Variants in AFDN observed in about 807,000 individuals in gnomAD.
The protein encoded by AFDN is afadin, adherens junction formation factor.
Under a neutral mutation model 216.6 loss-of-function variants are expected in AFDN, and 68 were observed. The ratio of observed to expected loss-of-function variants is 0.31; its 90% confidence interval spans 0.26 to 0.38. The LOEUF (loss-of-function observed/expected upper bound fraction) is 0.38. Among genes scored for constraint, AFDN ranks in the 10% least tolerant of loss-of-function variants. The pLI, the probability that AFDN is intolerant of heterozygous loss-of-function variation, is 1.00. For missense variants in AFDN, 2,136 were observed against 2,342.0 expected, an observed-to-expected ratio of 0.91 and a Z score of 1.82; for synonymous variants, 868 against 853.7, an observed-to-expected ratio of 1.02 and a Z score of -0.29.
intron 33 of AFDN, among the ~76,000 whole-genome samples, chr6:167,969,559 C>T (rs1028413010): frequency 1.3e-5 from 2 of 152,164 alleles, no homozygotes; most frequent in Admixed American, 6.5e-5. Flanking sequence ...TGAGAGTTGA[C>T]TATGACTGGG....
At position 167,889,836 on chromosome 6, in the gene AFDN, C is replaced by T. The variant is rs185373878; in HGVS notation, c.1009+510C>T. The stretch of plus-strand genomic sequence containing the variant: ...AGCACTACAGCAAGAAGCGAAAGAT[C>T]ATTGGTATCTACCAGTAGTAGAAAA... On this transcript the variant is annotated intron_variant, in intron 7 of 33. Coordinates refer to ENST00000683244, the MANE Select transcript of AFDN (RefSeq NM_001386888.1). 3.3e-5 allele frequency among the ~76,000 whole-genome samples: 5 copies of T among 152,290 alleles called. No individual in the cohort carries two copies. The East Asian group carries it at 9.6e-4, about 29-fold the overall frequency.
At chr6:167,946,125 G>T (rs951194915) in intron 26 of AFDN, among the ~76,000 whole-genome samples, 2 of 152,190 alleles carry the variant, frequency 1.3e-5, no homozygotes, top group South Asian at 2.1e-4. Context: ...TCAGCATGTT[G>T]TTTACTTTTT....
intron 12 of AFDN, among the ~76,000 whole-genome samples, chr6:167,902,967 C>T (rs1352381265): frequency 1.3e-5 from 2 of 152,140 alleles, no homozygotes; most frequent in African/African-American, 4.8e-5. Flanking sequence ...TGAAGCAGAG[C>T]CTTCATGTTT....
intron 9 of AFDN, among the ~76,000 whole-genome samples, chr6:167,896,443 T>G (rs1416429903): frequency 2.0e-5 from 3 of 152,158 alleles, no homozygotes; most frequent in African/African-American, 4.8e-5. Context: ...CGTCAGTGAT[T>G]TAGCTGTGCC....
At chr6:167,865,968 TATC>T (rs1372154160) in intron 2 of AFDN, among the ~76,000 whole-genome samples, 5 of 152,202 alleles carry the variant, frequency 3.3e-5, no homozygotes, top group African/African-American at 1.2e-4. Context: ...TTCTTAAGGT[TATC>T]ATCTTCATCA....
Position 167,906,114 on chromosome 6 carries a change from C to A in AFDN, c.1651-1057C>A, listed in dbSNP as rs76656178. On this transcript the variant is annotated intron_variant, in intron 12 of 33. Transcript: ENST00000683244. ...CGAGACTCCGTCCCAAGAAAAAAAA[C>A]CAAAAAACTCTTATGGAAGGATTCA... Among the ~76,000 whole-genome samples the A allele has an allele frequency of 8.4e-3, 1,271 of 152,050 alleles. 22 individuals are homozygous for A. Among genetic ancestry groups the A allele is most frequent in the African/African-American group, 0.029 (1,214 of 41,514 alleles).
chr6:167,872,756 C>T (rs1247274462), intron 4 of AFDN, among the ~76,000 whole-genome samples: 1 of 152,168 alleles, frequency 6.6e-6, no homozygotes, highest in East Asian at 1.9e-4. Context: ...CACTTAATGC[C>T]TAGTCAGAGG....
chr6:167,967,935 T>A (rs906584972), intron 32 of AFDN, among the ~76,000 whole-genome samples: 6 of 152,144 alleles, frequency 3.9e-5, no homozygotes, highest in Admixed American at 2.0e-4. Context: ...AGCATTAGGA[T>A]GTGAATGAGT....
At chr6:167,867,766 A>G (rs1023214324) in intron 2 of AFDN, among the ~76,000 whole-genome samples, 1 of 151,890 alleles carries the variant, frequency 6.6e-6, no homozygotes, top group African/African-American at 2.4e-5. Flanking sequence ...ATGGCCTCCT[A>G]TTTTTACCAG....
intron 1 of AFDN, among the ~76,000 whole-genome samples, chr6:167,863,561 G>A (rs1783824578): frequency 6.6e-6 from 1 of 152,220 alleles, no homozygotes; most frequent in Admixed American, 6.5e-5. Context: ...TGGATCAGAT[G>A]TGGAACCAAG....
At chr6:167,886,774 C>T in intron 6 of AFDN, among the ~76,000 whole-genome samples, 1 of 151,950 alleles carries the variant, frequency 6.6e-6, no homozygotes. Flanking sequence ...TGAACAGACG[C>T]CTGATGCTTT....
rs1022155215 is a variant in AFDN, at chr6:167,917,028, A to G, written c.2566-61A>G. The G allele has an allele frequency of 2.8e-6, 4 of 1,413,566 alleles. No individual in the cohort carries two copies. The African/African-American group carries it at 4.4e-5, about 15-fold the overall frequency. The allele number at this position is 1,413,566 out of a possible 1,614,324, so 87.6% of individuals were successfully genotyped here. On this transcript the variant is annotated intron_variant, in intron 19 of 33. Coordinates refer to ENST00000683244, the MANE Select transcript of AFDN (RefSeq NM_001386888.1). ...TATTTTTATAAATATTACATAAAGG[A>G]TAATATTTTTGAAATAACTTTACAA...
chr6:167,948,529 A>C (rs1208851553), intron 29 of AFDN, 51 bp downstream of exon 29: 1 of 1,521,558 alleles, frequency 6.6e-7, no homozygotes, highest in Non-Finnish European at 9.0e-7. Context: ...AGGAGGACAC[A>C]CTGAGTTCTG....
chr6:167,920,733 C>T (rs1791680818), intron 21 of AFDN, among the ~76,000 whole-genome samples: 1 of 152,202 alleles, frequency 6.6e-6, no homozygotes, highest in Non-Finnish European at 1.5e-5. Flanking sequence ...AGATGTCATT[C>T]ATATTGAACT....
chr6:167,893,477 G>C (rs1787862345), intron 8 of AFDN, among the ~76,000 whole-genome samples: 1 of 152,024 alleles, frequency 6.6e-6, no homozygotes, highest in Non-Finnish European at 1.5e-5. Context: ...ATTGTCTTTT[G>C]GAGAAATGGG....
intron 30 of AFDN, among the ~76,000 whole-genome samples, chr6:167,955,977 C>T (rs539814874): frequency 5.6e-4 from 85 of 151,834 alleles, no homozygotes; most frequent in African/African-American, 2.0e-3. Context: ...TAGCTGGGCA[C>T]AGTGGCGGGC....
chr6:167,850,655 C>T (rs890602549), intron 1 of AFDN, among the ~76,000 whole-genome samples: 1 of 152,120 alleles, frequency 6.6e-6, no homozygotes, highest in Non-Finnish European at 1.5e-5. Flanking sequence ...ATTTCACATA[C>T]TTAAAGAAGA....
At chr6:167,927,499 A>C (rs1011314060) in intron 23 of AFDN, among the ~76,000 whole-genome samples, 2 of 152,236 alleles carry the variant, frequency 1.3e-5, no homozygotes, top group African/African-American at 2.4e-5. Flanking sequence ...AAAGAGGAAC[A>C]TGATGAAACT....
chr6:167,902,070 G>A (rs1270551685), intron 11 of AFDN, among the ~76,000 whole-genome samples: 1 of 145,030 alleles, frequency 6.9e-6, no homozygotes, highest in Non-Finnish European at 1.5e-5. Flanking sequence ...TCCAGCCTGG[G>A]CAACAGAGTG....
Sources: allele counts gnomAD v4.1 joint callset (sites outside exome capture counted in the v4.1 genomes callset), GRCh38; gene constraint gnomAD v4.1.1; transcripts MANE v1.5; gene names NCBI Gene and HGNC (gene_info 2026-07-23, HGNC 2026-07-21).